PCDHA9: variants seen among roughly 807,000 people sequenced by gnomAD.
PCDHA9 encodes protocadherin alpha 9, also known as protocadherin alpha-9.
A neutral mutation model predicts 62.0 loss-of-function variants in PCDHA9; 62 were observed. The observed-to-expected ratio is 1.00, with a 90% confidence interval of 0.81 to 1.23. The LOEUF (loss-of-function observed/expected upper bound fraction) is 1.23, where lower values mean the gene tolerates loss of function less well. Among genes scored for constraint, PCDHA9 ranks in the 50% most tolerant of loss-of-function variants. The pLI, the probability that PCDHA9 is intolerant of heterozygous loss-of-function variation, is 0.00. For missense variants in PCDHA9, 1,205 were observed against 1,249.8 expected (o/e 0.96, Z 0.54); for synonymous variants, 557 against 567.6 (o/e 0.98, Z 0.27).
Position 140,988,326 on chromosome 5 carries a change from G to A in PCDHA9, c.2542+5763G>A, listed in dbSNP as rs144904425. 8.4e-3 allele frequency among the ~76,000 whole-genome samples: 1,281 copies of A among 152,296 alleles called. 12 individuals carry two copies. The highest frequency in any genetic ancestry group is 0.014 in the Non-Finnish European group (960 of 68,020). ...CAGCTTGGCTTGGCTTTCTCTACCC[G>A]AGGAAAGTAAGTCCTTTTAAGATGC... On this transcript the variant is annotated intron_variant, in intron 3 of 3. Coordinates refer to ENST00000532602, the MANE Select transcript of PCDHA9 (RefSeq NM_031857.2).
intron 1 of PCDHA9, among the ~76,000 whole-genome samples, chr5:140,941,226 T>TCTTTCTTTCTTTCTTTCTTTCTTC (rs2092915713): frequency 1.5e-5 from 2 of 135,514 alleles, no homozygotes; most frequent in Admixed American, 7.6e-5. Flanking sequence ...TTTCTTTCTT[T>TCTTTCTTTCTTTCTTTCTTTCTTC]CTTTCTTTCT....
chr5:140,882,681 A>G, intron 1 of PCDHA9: 1 of 1,614,176 alleles, frequency 6.2e-7, no homozygotes, highest in Non-Finnish European at 8.5e-7. Context: ...GAAAGCAAGA[A>G]ACGAATAATC....
In PCDHA9 at chr5:140,903,730, A is replaced by G. The variant is rs2070542594; in HGVS notation, c.2394+52841A>G. Among the ~76,000 whole-genome samples, 4 of 152,350 alleles carry G rather than the reference A, an allele frequency of 2.6e-5. No homozygotes were observed. In the South Asian group the frequency reaches 8.3e-4, roughly 32 times the overall value. ...AAATATACAATTCTCCCTATTATCA[A>G]TTATTACAGAATGTTTCCCTTGATT... is the stretch of plus-strand genomic sequence containing the variant. On this transcript the variant is annotated intron_variant, in intron 1 of 3. Transcript: ENST00000532602.
chr5:140,993,071 G>A (rs1301535845), intron 3 of PCDHA9, among the ~76,000 whole-genome samples: 9 of 152,222 alleles, frequency 5.9e-5, no homozygotes, highest in African/African-American at 2.2e-4. Flanking sequence ...TGTTCCTGCA[G>A]TCTGCAATCA....
chr5:140,858,038 G>A, intron 1 of PCDHA9: 1 of 1,596,684 alleles, frequency 6.3e-7, no homozygotes, highest in East Asian at 2.2e-5. Context: ...CACGGCCACT[G>A]TGCTTGTGTC....
intron 1 of PCDHA9, chr5:140,853,974 A>G: frequency 1.7e-6 from 1 of 605,490 alleles, no homozygotes; most frequent in Non-Finnish European, 2.1e-6. Flanking sequence ...GCAGTTTGAG[A>G]CCAATGTAGT....
Position 140,961,453 on chromosome 5 carries a change from C to A in PCDHA9, c.2395-17496C>A, listed in dbSNP as rs138800149. On this transcript the variant is annotated intron_variant, in intron 1 of 3. Transcript: ENST00000532602. ...AAAATCACCTAACTACACTGTCTTG[C>A]AGCTGCCTTTCTTTTTTTGTCTTGT... Among the ~76,000 whole-genome samples the A allele has an allele frequency of 2.6e-3, 401 of 152,318 alleles. 1 individual carries two copies. The highest frequency in any genetic ancestry group is 9.2e-3 in the African/African-American group (384 of 41,574).
At chr5:140,968,166 C>G (rs782037307) in intron 1 of PCDHA9, 1 of 1,614,004 alleles carries the variant, frequency 6.2e-7, no homozygotes, top group Non-Finnish European at 8.5e-7. Flanking sequence ...GACAATCCAC[C>G]AAGCTTCCTG....
At chr5:140,953,545 C>A (rs551898012) in intron 1 of PCDHA9, among the ~76,000 whole-genome samples, 1 of 152,204 alleles carries the variant, frequency 6.6e-6, no homozygotes, top group Admixed American at 6.5e-5. Context: ...CATGCTGATT[C>A]TTTTCTCCAA....
chr5:140,928,943 T>C, intron 1 of PCDHA9: 1 of 1,614,090 alleles, frequency 6.2e-7, no homozygotes, highest in Non-Finnish European at 8.5e-7. Flanking sequence ...AACTTGTATT[T>C]AGTAATTGCC....
At chr5:140,961,387 C>T (rs1249667395) in intron 1 of PCDHA9, among the ~76,000 whole-genome samples, 1 of 152,148 alleles carries the variant, frequency 6.6e-6, no homozygotes, top group Admixed American at 6.5e-5. Flanking sequence ...TTGAACTATT[C>T]CATTAGTAAA....
intron 1 of PCDHA9, chr5:140,856,358 C>T: frequency 6.3e-7 from 1 of 1,598,606 alleles, no homozygotes; most frequent in African/African-American, 1.3e-5. Context: ...GTGCAGCATC[C>T]ACCTGGAGGT....
chr5:141,010,384 G>T lies in PCDHA9; in HGVS notation c.*447G>T, dbSNP rs2098417140. 10 of 1,411,480 alleles carry T rather than the reference G, an allele frequency of 7.1e-6. No homozygotes were observed. In the South Asian group the frequency reaches 8.5e-5, roughly 12 times the overall value. The allele number at this position is 1,411,480 out of a possible 1,614,324, so 87.4% of individuals were successfully genotyped here. A position where few individuals can be genotyped will look rare whatever the true frequency, so the allele number is the denominator to read the frequency against. ...GCGGGTATGCGAGTGCCAGATATTGGCTGAGACGAGCCAGCTTAGACTAAT... is the reference window on the plus strand; with the variant it reads ...GCGGGTATGCGAGTGCCAGATATTGTCTGAGACGAGCCAGCTTAGACTAAT... On this transcript the variant is annotated 3_prime_UTR_variant, in exon 4 of 4. Coordinates refer to ENST00000532602, the MANE Select transcript of PCDHA9 (RefSeq NM_031857.2).
chr5:140,884,176 T>C, intron 1 of PCDHA9: 1 of 1,613,372 alleles, frequency 6.2e-7, no homozygotes, highest in South Asian at 1.1e-5. Flanking sequence ...CGACGCGCCC[T>C]CTGGACGAGG....
At chr5:141,006,412 A>G (rs1423476125) in intron 3 of PCDHA9, among the ~76,000 whole-genome samples, 7 of 151,898 alleles carry the variant, frequency 4.6e-5, no homozygotes, top group African/African-American at 1.7e-4. Flanking sequence ...ACGCGGTTTC[A>G]CTGTGTTAGC....
Position 141,000,421 on chromosome 5 carries a change from A to ATTTT in PCDHA9, c.2543-9186_2543-9183dup, listed in dbSNP as rs34755515. ...TATATATATATATATATATATATAT[A>ATTTT]TTTTTTTTTTTTTTTTTTTTTTTGA... On this transcript the variant is annotated intron_variant, in intron 3 of 3. Transcript: ENST00000532602. Among the ~76,000 whole-genome samples the ATTTT allele has an allele frequency of 6.1e-3, 170 of 27,980 alleles. 16 individuals carry two copies. The highest frequency in any genetic ancestry group is 7.4e-3 in the Non-Finnish European group (131 of 17,660). The allele number at this position is 27,980 out of a possible 152,430, so 18.4% of individuals were successfully genotyped here.
intron 1 of PCDHA9, chr5:140,877,402 C>T: frequency 6.2e-7 from 1 of 1,613,934 alleles, no homozygotes; most frequent in African/African-American, 1.3e-5. Flanking sequence ...GGACGCTCCG[C>T]GCCACCGCCT....
chr5:140,959,491 G>A (rs761208761), intron 1 of PCDHA9, among the ~76,000 whole-genome samples: 6 of 151,956 alleles, frequency 3.9e-5, no homozygotes, highest in Non-Finnish European at 7.4e-5. Context: ...TGTTATATAT[G>A]GATCAAACTA....
intron 1 of PCDHA9, chr5:140,876,942 G>C (rs370156477): frequency 6.2e-7 from 1 of 1,613,660 alleles, no homozygotes; most frequent in South Asian, 1.1e-5. Flanking sequence ...ACGCGCTGGT[G>C]TCCTACTCGC....
Sources: allele counts gnomAD v4.1 joint callset (sites outside exome capture counted in the v4.1 genomes callset), GRCh38; gene constraint gnomAD v4.1.1; transcripts MANE v1.5; gene names NCBI Gene and HGNC (gene_info 2026-07-23, HGNC 2026-07-21).